ATRNL1: variants seen among roughly 807,000 people sequenced by gnomAD.
The protein encoded by ATRNL1 is attractin like 1, also known as attractin-like protein 1.
Under a neutral mutation model 182.7 loss-of-function variants are expected in ATRNL1, and 95 were observed. The ratio of observed to expected loss-of-function variants is 0.52; its 90% CI spans 0.44 to 0.62. ATRNL1 has a LOEUF of 0.62. Ranked by LOEUF, ATRNL1 falls within the 20% of genes least tolerant of loss-of-function variation. The pLI, the probability that ATRNL1 is intolerant of heterozygous loss-of-function variation, is 0.00. For missense variants in ATRNL1, 1,471 were observed against 1,679.5 expected (o/e 0.88, Z 2.17); for synonymous variants, 576 against 568.3 (o/e 1.01, Z -0.19).
At chr10:115,431,442 C>T (rs191089807) in intron 21 of ATRNL1, among the ~76,000 whole-genome samples, 176 of 150,528 alleles carry the variant, frequency 1.2e-3, no homozygotes, top group African/African-American at 4.0e-3. Flanking sequence ...TATAATATTC[C>T]AATTTCTTCT....
chr10:115,099,010 CTG>C (rs1195333163), intron 1 of ATRNL1, among the ~76,000 whole-genome samples: 2 of 152,160 alleles, frequency 1.3e-5, no homozygotes, highest in Non-Finnish European at 2.9e-5. Context: ...GCATCTGAAA[CTG>C]TCACCACAAT....
chr10:115,406,348 T>TA (rs1213227096), intron 20 of ATRNL1, among the ~76,000 whole-genome samples: 5 of 152,200 alleles, frequency 3.3e-5, no homozygotes, highest in Non-Finnish European at 7.3e-5. Context: ...GTTAATGTTT[T>TA]ATCAGTATTC....
Position 115,849,366 on chromosome 10 carries a change from CTG to C in ATRNL1, c.4018+1376_4018+1377del, listed in dbSNP as rs369196265. 2.0e-5 allele frequency among the ~76,000 whole-genome samples: 3 copies of C among 152,232 alleles called. No individual in the cohort carries two copies. In the East Asian group the frequency reaches 5.8e-4, roughly 29 times the overall value. ...AGCTAATGGAAGTATTGTTTTAAAA[CTG>C]GGATGATTTCCAAAACAAACACTTC... On this transcript the variant is annotated intron_variant, in intron 28 of 28. Coordinates refer to ENST00000355044, the MANE Select transcript of ATRNL1 (RefSeq NM_207303.4).
At chr10:115,933,679 G>A (rs1195979800) in intron 28 of ATRNL1, among the ~76,000 whole-genome samples, 1 of 152,166 alleles carries the variant, frequency 6.6e-6, no homozygotes, top group African/African-American at 2.4e-5. Flanking sequence ...GAACAACTTG[G>A]AAGCCACAAA....
At chr10:115,302,619 T>G (rs1256790313) in intron 17 of ATRNL1, among the ~76,000 whole-genome samples, 4 of 152,228 alleles carry the variant, frequency 2.6e-5, no homozygotes, top group Admixed American at 2.6e-4. Context: ...CTGGGCTTGC[T>G]ATGAGTTATA....
intron 19 of ATRNL1, among the ~76,000 whole-genome samples, chr10:115,367,447 C>A (rs1297300240): frequency 6.8e-6 from 1 of 146,344 alleles, no homozygotes; most frequent in Admixed American, 6.8e-5. Context: ...TTTTCAACTT[C>A]TTTGCCTTTG....
At chr10:115,632,065 C>G (rs1388507625) in intron 26 of ATRNL1, among the ~76,000 whole-genome samples, 1 of 152,052 alleles carries the variant, frequency 6.6e-6, no homozygotes, top group Non-Finnish European at 1.5e-5. Flanking sequence ...AGTTATGCAT[C>G]CTTGTACCTG....
intron 26 of ATRNL1, among the ~76,000 whole-genome samples, chr10:115,555,456 A>G (rs1048867875): frequency 1.5e-4 from 23 of 151,922 alleles, no homozygotes; most frequent in African/African-American, 5.6e-4. Flanking sequence ...TCATTCAAAA[A>G]GATTCGAGAA....
chr10:115,277,552 G>A (rs181336256), intron 13 of ATRNL1, among the ~76,000 whole-genome samples: 5 of 152,100 alleles, frequency 3.3e-5, no homozygotes, highest in Admixed American at 2.6e-4. Flanking sequence ...TACATGAGAA[G>A]GCCTGAGGTA....
chr10:115,379,635 T>A (rs970113169), intron 19 of ATRNL1, among the ~76,000 whole-genome samples: 2 of 152,194 alleles, frequency 1.3e-5, no homozygotes, highest in Non-Finnish European at 2.9e-5. Flanking sequence ...TATTCATTAT[T>A]TTTGAAGTTA....
intron 26 of ATRNL1, among the ~76,000 whole-genome samples, chr10:115,709,454 G>A (rs570897285): frequency 1.2e-3 from 189 of 151,976 alleles, no homozygotes; most frequent in African/African-American, 4.1e-3. Flanking sequence ...TGGAATTCTG[G>A]TATCACAAAC....
intron 21 of ATRNL1, among the ~76,000 whole-genome samples, chr10:115,430,079 A>G (rs1846085400): frequency 6.6e-6 from 1 of 152,144 alleles, no homozygotes; most frequent in Non-Finnish European, 1.5e-5. Flanking sequence ...TCAAAAAACA[A>G]CAACAAAAAA....
rs532412780 is a variant in ATRNL1, at chr10:115,740,744, G to A, written c.3903+13389G>A. Among the ~76,000 whole-genome samples the A allele has an allele frequency of 2.6e-5, 4 of 152,070 alleles. No individual in the cohort carries two copies. In the South Asian group the frequency reaches 8.3e-4, roughly 32 times the overall value. ...TGGCCTCAAACTCCTAACCTCAAGT[G>A]ATCTACCTGCCTTAGCCTCCCAGAG... On this transcript the variant is annotated intron_variant, in intron 27 of 28. Coordinates refer to ENST00000355044, the MANE Select transcript of ATRNL1 (RefSeq NM_207303.4).
chr10:115,354,986 A>C (rs1856438311), intron 19 of ATRNL1, among the ~76,000 whole-genome samples: 1 of 151,916 alleles, frequency 6.6e-6, no homozygotes. Context: ...CAGTCAGTTG[A>C]CTTTTTCAGC....
intron 4 of ATRNL1, among the ~76,000 whole-genome samples, 178 bp downstream of exon 4, chr10:115,127,899 A>G (rs1377996642): frequency 6.6e-6 from 1 of 152,210 alleles, no homozygotes; most frequent in Non-Finnish European, 1.5e-5. Context: ...ATATGCCACA[A>G]AACGTGATCT....
chr10:115,761,561 GGCTCACCTACTTCCAAA>G (rs1948735709), intron 27 of ATRNL1, among the ~76,000 whole-genome samples: 1 of 152,092 alleles, frequency 6.6e-6, no homozygotes, highest in Non-Finnish European at 1.5e-5. Flanking sequence ...TATTACTGTG[GGCTCACCTACTTCCAAA>G]AAAGAATTGA....
chr10:115,413,118 T>C (rs1845223038), intron 20 of ATRNL1, among the ~76,000 whole-genome samples: 1 of 151,970 alleles, frequency 6.6e-6, no homozygotes, highest in East Asian at 1.9e-4. Context: ...AGGTGGGGAG[T>C]CATTGGTTTG....
chr10:115,775,242 CTTAAG>C (rs1229249915), intron 27 of ATRNL1, among the ~76,000 whole-genome samples: 1 of 152,162 alleles, frequency 6.6e-6, no homozygotes, highest in Non-Finnish European at 1.5e-5. Flanking sequence ...AATTTCAATA[CTTAAG>C]TTAAAATATA....
intron 19 of ATRNL1, among the ~76,000 whole-genome samples, chr10:115,371,305 C>A (rs1244593563): frequency 2.0e-5 from 3 of 151,538 alleles, no homozygotes; most frequent in Admixed American, 1.3e-4. Flanking sequence ...CCACCATCCT[C>A]CAGACCCCAG....
Sources: gnomAD v4.1 joint callset for allele counts (sites outside exome capture counted in the v4.1 genomes callset) on GRCh38, gnomAD v4.1.1 for gene constraint, MANE v1.5 for transcripts, NCBI Gene and HGNC (gene_info 2026-07-23, HGNC 2026-07-21) for gene names.